The following CDYL2 variants were observed in gnomAD, a reference collection of about 807,000 sequenced individuals.
CDYL2 encodes the protein chromodomain Y like 2.
In CDYL2, 23 loss-of-function variants were observed where a neutral mutation model predicts 49.4. The ratio of observed to expected loss-of-function variants is 0.47; its 90% CI spans 0.34 to 0.66. The LOEUF is 0.66. CDYL2 is among the 30% of genes least tolerant of loss of function. The probability of loss-of-function intolerance (pLI) is 0.01; values close to 1 mark genes in which losing one functional copy is unlikely to be tolerated. For missense variants in CDYL2, 678 were observed against 656.4 expected (o/e 1.03, Z -0.36); for synonymous variants, 360 against 268.8 (o/e 1.34, Z -3.32).
intron 1 of CDYL2, among the ~76,000 whole-genome samples, chr16:80,760,297 G>A (rs1415346814): frequency 6.6e-6 from 1 of 152,180 alleles, no homozygotes; most frequent in African/African-American, 2.4e-5. Flanking sequence ...TAAAAACAGT[G>A]TCAATAGAGA....
chr16:80,646,117 T>C (rs1436503639), intron 2 of CDYL2, among the ~76,000 whole-genome samples: 1 of 151,898 alleles, frequency 6.6e-6, no homozygotes, highest in Non-Finnish European at 1.5e-5. Flanking sequence ...GTTGTGTACA[T>C]GTACCCTAGA....
chr16:80,611,958 T>C (rs1217969945), intron 5 of CDYL2, among the ~76,000 whole-genome samples: 1 of 152,208 alleles, frequency 6.6e-6, no homozygotes, highest in Admixed American at 6.5e-5. Context: ...GAGCTTAACG[T>C]TCCATCTGTA....
At chr16:80,763,359 C>T (rs1014976440) in intron 1 of CDYL2, among the ~76,000 whole-genome samples, 4 of 156 alleles carry the variant, frequency 0.026, no homozygotes, top group African/African-American at 0.12. Flanking sequence ...ACCTGTAATC[C>T]CAGCACTTTG....
chr16:80,791,045 G>C (rs1907593187), intron 1 of CDYL2, among the ~76,000 whole-genome samples: 1 of 152,170 alleles, frequency 6.6e-6, no homozygotes, highest in African/African-American at 2.4e-5. Flanking sequence ...AGATCTCAGT[G>C]AAAGACTAAA....
chr16:80,718,781 T>C (rs1904899015), intron 1 of CDYL2, among the ~76,000 whole-genome samples: 1 of 152,186 alleles, frequency 6.6e-6, no homozygotes, highest in African/African-American at 2.4e-5. Context: ...CCGGAAATCC[T>C]GCCCAGCAGC....
intron 2 of CDYL2, among the ~76,000 whole-genome samples, chr16:80,677,880 C>T (rs901644610): frequency 6.6e-6 from 1 of 151,764 alleles, no homozygotes; most frequent in African/African-American, 2.4e-5. Flanking sequence ...GCTACAGTAA[C>T]CAAAACAGCA....
At chr16:80,655,615 T>C (rs1908772683) in intron 2 of CDYL2, among the ~76,000 whole-genome samples, 1 of 152,048 alleles carries the variant, frequency 6.6e-6, no homozygotes, top group Non-Finnish European at 1.5e-5. Flanking sequence ...AAATAAGCCA[T>C]GAAACTAGCA....
chr16:80,715,285 G>C (rs1335280431), intron 1 of CDYL2, among the ~76,000 whole-genome samples: 1 of 152,140 alleles, frequency 6.6e-6, no homozygotes, highest in African/African-American at 2.4e-5. Context: ...GAGGATACAG[G>C]AATCCTTGTG....
chr16:80,659,419 A>T (rs1405111415), intron 2 of CDYL2, among the ~76,000 whole-genome samples: 1 of 152,192 alleles, frequency 6.6e-6, no homozygotes, highest in Non-Finnish European at 1.5e-5. Context: ...ATGTGGGCTA[A>T]AATAAAAGTA....
At position 80,612,879 on chromosome 16, in the gene CDYL2, T is replaced by A. The variant is rs748618383; in HGVS notation, c.1008-43A>T. ...TCCTCTTGAACAGGTGACTATAGCATGCTAAGCCCCACTGGAACCCTTGAC... is the reference window on the plus strand; with the variant it reads ...TCCTCTTGAACAGGTGACTATAGCAAGCTAAGCCCCACTGGAACCCTTGAC... On this transcript the variant is annotated intron_variant, in intron 4 of 6. Coordinates refer to ENST00000570137, the MANE Select transcript of CDYL2 (RefSeq NM_152342.4). The surrounding 1 kb of genome is among the most constrained non-coding windows in gnomAD (Gnocchi z 5.0). The A allele has an allele frequency of 1.3e-6, 2 of 1,528,608 alleles. No homozygotes were observed. Among genetic ancestry groups the A allele is most frequent in the East Asian group, 2.3e-5 (1 of 43,442 alleles). 94.7% of individuals were successfully genotyped at this position (1,528,608 alleles called of 1,614,324 possible).
At chr16:80,743,382 GA>G (rs1453875518) in intron 1 of CDYL2, among the ~76,000 whole-genome samples, 1 of 152,228 alleles carries the variant, frequency 6.6e-6, no homozygotes, top group Non-Finnish European at 1.5e-5. Context: ...CACAAAGTGT[GA>G]AAGTCTTTAT....
Position 80,599,035 on chromosome 16 carries a change from C to G in CDYL2, c.*5353G>C, listed in dbSNP as rs1282629554. 1 of 152,116 alleles carries G rather than the reference C, an allele frequency of 6.6e-6. No individual in the cohort carries two copies. The highest frequency in any genetic ancestry group is 1.9e-4 in the East Asian group (1 of 5,186). The allele number at this position is 152,116 out of a possible 1,614,324, so 9.4% of individuals were successfully genotyped here. A position where few individuals can be genotyped will look rare whatever the true frequency, so the allele number is the denominator to read the frequency against. ...ACTAGATGGGAAACTCTACACCCTC[C>G]AAACTTCCAAGAGTCAGCTTCAAGA... On this transcript the variant is annotated 3_prime_UTR_variant, in exon 7 of 7. Coordinates refer to ENST00000570137, the MANE Select transcript of CDYL2 (RefSeq NM_152342.4).
intron 3 of CDYL2, among the ~76,000 whole-genome samples, chr16:80,623,662 A>C (rs1907181826): frequency 6.6e-6 from 1 of 152,224 alleles, no homozygotes; most frequent in Non-Finnish European, 1.5e-5. Context: ...GAACTCACTT[A>C]GCCTTCTGGG....
At chr16:80,763,136 C>A (rs1028801947) in intron 1 of CDYL2, among the ~76,000 whole-genome samples, 3 of 151,088 alleles carry the variant, frequency 2.0e-5, no homozygotes, top group Non-Finnish European at 2.9e-5. Context: ...CCACTGCACT[C>A]CAGCAGGAAC....
Position 80,794,558 on chromosome 16 carries a change from T to C in CDYL2, c.24+9592A>G, listed in dbSNP as rs1907709592. On this transcript the variant is annotated intron_variant, in intron 1 of 6. Transcript: ENST00000570137. ...GTTAAAAATATGGTATATTAAACCA[T>C]ATACGATTGTTGAGTTTTTTAATTA... Among the ~76,000 whole-genome samples the C allele has an allele frequency of 2.0e-5, 3 of 151,060 alleles. No individual in the cohort carries two copies. In the South Asian group the frequency reaches 6.3e-4, roughly 32 times the overall value.
chr16:80,728,451 A>G (rs900404458), intron 1 of CDYL2, among the ~76,000 whole-genome samples: 1 of 152,238 alleles, frequency 6.6e-6, no homozygotes, highest in Non-Finnish European at 1.5e-5. Flanking sequence ...ACTATTTGAA[A>G]AGATCAAATC....
intron 2 of CDYL2, among the ~76,000 whole-genome samples, chr16:80,652,305 G>C (rs1597149916): frequency 6.6e-6 from 1 of 152,168 alleles, no homozygotes; most frequent in Admixed American, 6.5e-5. Flanking sequence ...AATGATGGGA[G>C]TATGTCAAAA....
At position 80,620,411 on chromosome 16, in the gene CDYL2, G is replaced by A. The variant is rs909013002; in HGVS notation, c.1007+352C>T. 5.9e-5 allele frequency among the ~76,000 whole-genome samples: 9 copies of A among 152,282 alleles called. No individual in the cohort carries two copies. The East Asian group carries it at 1.7e-3, about 29-fold the overall frequency. On this transcript the variant is annotated intron_variant, in intron 4 of 6. Coordinates refer to ENST00000570137, the MANE Select transcript of CDYL2 (RefSeq NM_152342.4). ...ACTCTCCCCATCAGGCAAGGGGCGG[G>A]AGTAGTGTGGACAACACATGGCCAC...
At chr16:80,611,674 GC>G (rs376211574) in intron 5 of CDYL2, among the ~76,000 whole-genome samples, 24 of 152,206 alleles carry the variant, frequency 1.6e-4, no homozygotes, top group African/African-American at 5.5e-4. Context: ...ACCACTGCAT[GC>G]CTTTAGACAA....
Sources: gnomAD v4.1 joint callset for allele counts (sites outside exome capture counted in the v4.1 genomes callset) on GRCh38, gnomAD v4.1.1 for gene constraint, Gnocchi (gnomAD v3.1) non-coding constraint, MANE v1.5 for transcripts, NCBI Gene and HGNC (gene_info 2026-07-23, HGNC 2026-07-21) for gene names.